DIS3L2: variants seen among roughly 807,000 people sequenced by gnomAD.
The protein encoded by DIS3L2 is DIS3 like 3'-5' exoribonuclease 2.
A neutral mutation model predicts 97.5 loss-of-function variants in DIS3L2; 34 were observed. The observed-to-expected ratio is 0.35, with a 90% confidence interval of 0.27 to 0.46. The LOEUF (loss-of-function observed/expected upper bound fraction) is 0.46, where lower values mean the gene tolerates loss of function less well. Among genes scored for constraint, DIS3L2 ranks in the 20% least tolerant of loss-of-function variants. The pLI is 1.00. For missense variants in DIS3L2, 1,038 were observed against 1,146.0 expected (o/e 0.91, Z 1.36); for synonymous variants, 435 against 445.2 (o/e 0.98, Z 0.29).
chr2:232,166,711 T>TCAA (rs559284308), intron 9 of DIS3L2, among the ~76,000 whole-genome samples: 1,674 of 151,440 alleles, frequency 0.011, 19 homozygotes, highest in Non-Finnish European at 0.017. Context: ...CGAGACTCCA[T>TCAA]CAACAACAAC....
intron 10 of DIS3L2, among the ~76,000 whole-genome samples, chr2:232,225,275 A>C (rs540435600): frequency 1.3e-5 from 2 of 152,346 alleles, no homozygotes; most frequent in African/African-American, 4.8e-5. Context: ...ATATATGTAC[A>C]GGAACGTTCA....
intron 4 of DIS3L2, among the ~76,000 whole-genome samples, chr2:232,026,284 A>C (rs1694653856): frequency 6.6e-6 from 1 of 152,154 alleles, no homozygotes; most frequent in Non-Finnish European, 1.5e-5. Flanking sequence ...GACAAAGTCT[A>C]TTCCTTGCCA....
At chr2:232,115,584 A>G (rs960049081) in intron 6 of DIS3L2, among the ~76,000 whole-genome samples, 5 of 152,104 alleles carry the variant, frequency 3.3e-5, no homozygotes, top group African/African-American at 9.7e-5. Flanking sequence ...CTCATTTTGA[A>G]TTGTAATTGC....
chr2:232,267,582 A>AC (rs1448398144), intron 13 of DIS3L2, among the ~76,000 whole-genome samples: 6 of 152,170 alleles, frequency 3.9e-5, no homozygotes, highest in Non-Finnish European at 8.8e-5. Flanking sequence ...AGCTCCCATA[A>AC]CAGGGGCCCA....
chr2:232,238,707 AGT>A (rs1185110158), intron 11 of DIS3L2, 62 bp downstream of exon 11: 6 of 1,417,390 alleles, frequency 4.2e-6, no homozygotes, highest in Non-Finnish European at 4.9e-6. Flanking sequence ...TCCCTGGAAG[AGT>A]GTGTGCTCTC....
At chr2:232,140,217 C>CA (rs1209531258) in intron 8 of DIS3L2, among the ~76,000 whole-genome samples, 4 of 151,220 alleles carry the variant, frequency 2.6e-5, no homozygotes, top group Admixed American at 1.3e-4. Flanking sequence ...TTTGTCCACT[C>CA]AAAAAAAAAT....
At chr2:232,235,584 G>T (rs1692911063) in intron 10 of DIS3L2, among the ~76,000 whole-genome samples, 1 of 152,054 alleles carries the variant, frequency 6.6e-6, no homozygotes. Flanking sequence ...TGAACTCTTT[G>T]TCAGTTTGTC....
chr2:232,232,123 C>G (rs1692808430), intron 10 of DIS3L2, among the ~76,000 whole-genome samples: 1 of 152,120 alleles, frequency 6.6e-6, no homozygotes, highest in Non-Finnish European at 1.5e-5. Flanking sequence ...TCAAAACATG[C>G]ACAGAGCAGA....
intron 5 of DIS3L2, among the ~76,000 whole-genome samples, chr2:232,051,235 A>G (rs932593588): frequency 6.6e-6 from 1 of 152,170 alleles, no homozygotes; most frequent in Non-Finnish European, 1.5e-5. Flanking sequence ...TAAGTTTTTG[A>G]TAAGGATTAA....
At chr2:232,108,822 A>G (rs1260866944) in intron 6 of DIS3L2, among the ~76,000 whole-genome samples, 1 of 152,180 alleles carries the variant, frequency 6.6e-6, no homozygotes, top group African/African-American at 2.4e-5. Context: ...CACAAGAAGA[A>G]TAAAATACCT....
At chr2:232,032,482 C>T (rs1022278980) in intron 5 of DIS3L2, among the ~76,000 whole-genome samples, 4 of 152,130 alleles carry the variant, frequency 2.6e-5, no homozygotes, top group Non-Finnish European at 4.4e-5. Flanking sequence ...GTTTCTTTTG[C>T]TGTGCAGAAG....
At chr2:231,979,353 C>T (rs899782309) in intron 1 of DIS3L2, among the ~76,000 whole-genome samples, 2 of 152,046 alleles carry the variant, frequency 1.3e-5, no homozygotes, top group East Asian at 1.9e-4. Context: ...CTCCTGGGCT[C>T]AGGTGATCCC....
At chr2:231,997,094 T>G (rs1206384486) in intron 1 of DIS3L2, among the ~76,000 whole-genome samples, 1 of 152,244 alleles carries the variant, frequency 6.6e-6, no homozygotes, top group Non-Finnish European at 1.5e-5. Flanking sequence ...TGGTTATTGC[T>G]CTATGGCCAG....
At chr2:232,158,098 G>C (rs1052797564) in intron 8 of DIS3L2, among the ~76,000 whole-genome samples, 5 of 152,260 alleles carry the variant, frequency 3.3e-5, no homozygotes, top group South Asian at 2.1e-4. Flanking sequence ...CAGCCTATCA[G>C]GTTGTCCTTC....
chr2:232,181,544 C>G (rs1691268920), intron 9 of DIS3L2, among the ~76,000 whole-genome samples: 1 of 152,178 alleles, frequency 6.6e-6, no homozygotes, highest in Non-Finnish European at 1.5e-5. Context: ...AACTTCCCTT[C>G]TCGCTTCATT....
chr2:232,255,438 G>A (rs1050589466), intron 12 of DIS3L2, among the ~76,000 whole-genome samples: 1 of 152,168 alleles, frequency 6.6e-6, no homozygotes, highest in African/African-American at 2.4e-5. Context: ...TCTGGAGCAG[G>A]CATGGTCAGC....
At chr2:232,058,513 A>G (rs1563157) in intron 5 of DIS3L2, among the ~76,000 whole-genome samples, 11,902 of 152,154 alleles carry the variant, frequency 0.078, 1,550 homozygotes, top group African/African-American at 0.27. Context: ...TAGGGGAAAG[A>G]TTCGGTTAGC....
At chr2:232,123,049 A>G (rs902995088) in intron 6 of DIS3L2, among the ~76,000 whole-genome samples, 5 of 151,996 alleles carry the variant, frequency 3.3e-5, no homozygotes, top group Non-Finnish European at 7.4e-5. Flanking sequence ...AAAATTTAAA[A>G]CCCATCACTG....
At chr2:231,993,901 T>G (rs917523426) in intron 1 of DIS3L2, among the ~76,000 whole-genome samples, 2 of 152,142 alleles carry the variant, frequency 1.3e-5, no homozygotes, top group South Asian at 2.1e-4. Flanking sequence ...AATTTATCTT[T>G]TTTTTCCTTT....
Sources: allele counts gnomAD v4.1 joint callset (sites outside exome capture counted in the v4.1 genomes callset), GRCh38; gene constraint gnomAD v4.1.1; transcripts MANE v1.5; gene names NCBI Gene and HGNC (gene_info 2026-07-23, HGNC 2026-07-21).